The following TTC39A variants were observed in gnomAD, a reference collection of about 807,000 sequenced individuals.
The protein encoded by TTC39A is tetratricopeptide repeat domain 39A.
A neutral mutation model predicts 82.3 loss-of-function variants in TTC39A; 46 were observed. That is an observed-to-expected ratio of 0.56 (90% confidence interval 0.44 to 0.71). The LOEUF is 0.71. Ranked by LOEUF, TTC39A falls within the 30% of genes least tolerant of loss-of-function variation. TTC39A has a pLI of 0.00. For missense variants in TTC39A, 543 were observed against 712.9 expected, an observed-to-expected ratio of 0.76 and a Z score of 2.71; for synonymous variants, 254 against 275.2, an observed-to-expected ratio of 0.92 and a Z score of 0.76.
intron 1 of TTC39A, among the ~76,000 whole-genome samples, chr1:51,325,605 AG>A (rs942909251): frequency 2.8e-4 from 42 of 152,210 alleles, no homozygotes; most frequent in African/African-American, 9.9e-4. Context: ...TGAGGCACAG[AG>A]GACGGGTAAC....
chr1:51,304,688 G>A (rs1315425580), intron 8 of TTC39A, among the ~76,000 whole-genome samples: 5 of 152,236 alleles, frequency 3.3e-5, no homozygotes, highest in Non-Finnish European at 7.3e-5. Context: ...GGCATCTGCT[G>A]GATGAAGTGG....
At position 51,290,121 on chromosome 1, in the gene TTC39A, T is replaced by C; in HGVS notation, c.1379-2A>G. On this transcript the variant is annotated splice_acceptor_variant, in intron 15 of 17. Coordinates refer to ENST00000680483, the MANE Select transcript of TTC39A (RefSeq NM_001297663.2). LOFTEE classifies it high-confidence loss of function. ...CGTCATCCACTGAGTACTCGTTCTC[T>C]GAAAATAGGGATGTGAGGGAAAAAG... is the stretch of plus-strand genomic sequence containing the variant. 1 of 1,612,008 alleles carries C rather than the reference T, an allele frequency of 6.2e-7. No individual in the cohort carries two copies. Among genetic ancestry groups the C allele is most frequent in the Non-Finnish European group, 8.5e-7 (1 of 1,179,038 alleles).
At chr1:51,301,148 G>A (rs1190541198) in intron 12 of TTC39A, 1 of 161,622 alleles carries the variant, frequency 6.2e-6, no homozygotes, top group Non-Finnish European at 1.4e-5. Flanking sequence ...CAATATAGTG[G>A]CCACAAGCCC....
intron 2 of TTC39A, among the ~76,000 whole-genome samples, chr1:51,317,087 T>C (rs763661788): frequency 7.2e-5 from 11 of 152,110 alleles, no homozygotes; most frequent in Non-Finnish European, 1.6e-4. Flanking sequence ...AGGCATGACT[T>C]ATGGAAAGCA....
At chr1:51,329,796 G>A (rs868205351) in intron 1 of TTC39A, 4 of 152,436 alleles carry the variant, frequency 2.6e-5, no homozygotes, top group Admixed American at 1.3e-4. Flanking sequence ...TCACTGCTAC[G>A]GGGGGTGATC....
intron 6 of TTC39A, among the ~76,000 whole-genome samples, chr1:51,307,476 G>A (rs1644913104): frequency 6.6e-6 from 1 of 152,178 alleles, no homozygotes; most frequent in Non-Finnish European, 1.5e-5. Context: ...GCTCACGCCT[G>A]TAATCCCAGC....
intron 2 of TTC39A, 80 bp from the exon 3 acceptor site, chr1:51,313,023 C>T (rs1284657187): frequency 2.6e-6 from 4 of 1,549,876 alleles, no homozygotes; most frequent in African/African-American, 2.7e-5. Context: ...CATCTCCACC[C>T]TCCTCCATTC....
intron 1 of TTC39A, among the ~76,000 whole-genome samples, chr1:51,327,101 T>C (rs1053243290): frequency 6.6e-6 from 1 of 152,218 alleles, no homozygotes; most frequent in African/African-American, 2.4e-5. Context: ...TAGAGTTGGC[T>C]TGGACTGCTG....
upstream of TTC39A, among the ~76,000 whole-genome samples, chr1:51,332,658 C>T (rs946481287): frequency 1.1e-4 from 16 of 152,220 alleles, no homozygotes; most frequent in African/African-American, 1.9e-4. Flanking sequence ...CTGATGCTCA[C>T]GTGCTGCTGA....
chr1:51,288,996 C>T lies in TTC39A; in HGVS notation c.1494-41G>A. ...CATGGCTCAGGTTCCTCCTCCTGAG[C>T]CTCTCCCAAACTGCATGTGAGGATT... On this transcript the variant is annotated intron_variant, in intron 16 of 17. Transcript: ENST00000680483. This position sits in a 1 kb window ranked among gnomAD's most constrained non-coding sequence, Gnocchi z 4.8. 2 of 1,538,746 alleles carry T rather than the reference C, an allele frequency of 1.3e-6. No individual in the cohort carries two copies. The highest frequency in any genetic ancestry group is 1.2e-5 in the South Asian group (1 of 84,036).
intron 6 of TTC39A, among the ~76,000 whole-genome samples, chr1:51,307,767 T>A (rs1206130228): frequency 1.3e-5 from 2 of 152,000 alleles, no homozygotes; most frequent in Non-Finnish European, 2.9e-5. Flanking sequence ...CTTTTTTACT[T>A]TTCCTCTTTT....
At chr1:51,340,252 C>G (rs1288606370) in intron 1 of TTC39A, among the ~76,000 whole-genome samples, 1 of 152,168 alleles carries the variant, frequency 6.6e-6, no homozygotes, top group Admixed American at 6.5e-5. Flanking sequence ...ACCATTCCCC[C>G]ACCAGGCCAG....
chr1:51,316,096 T>G (rs1645272376), intron 2 of TTC39A, among the ~76,000 whole-genome samples: 1 of 151,994 alleles, frequency 6.6e-6, no homozygotes, highest in South Asian at 2.1e-4. Flanking sequence ...CGGCACCCCT[T>G]ATTGCTTGTT....
At chr1:51,314,918 C>T (rs1569919980) in intron 2 of TTC39A, among the ~76,000 whole-genome samples, 3 of 152,222 alleles carry the variant, frequency 2.0e-5, no homozygotes, top group Admixed American at 1.3e-4. Context: ...CACCAAAGCT[C>T]GGTAAATATG....
In TTC39A at chr1:51,302,588, G is replaced by C. The variant is rs1331569977; in HGVS notation, c.764-15C>G. Reference sequence around the variant, plus strand: ...GTTCCCAGTACCTGGAGGAGATGGTGGGGGAGACACAGAACATGTCACCAC... The same window carrying C: ...GTTCCCAGTACCTGGAGGAGATGGTCGGGGAGACACAGAACATGTCACCAC... On this transcript the variant is annotated splice_polypyrimidine_tract_variant and intron_variant, in intron 9 of 17. Transcript: ENST00000680483. 6.3e-7 allele frequency: 1 copy of C among 1,591,474 alleles called. No homozygotes were observed. Among genetic ancestry groups the C allele is most frequent in the Non-Finnish European group, 8.6e-7 (1 of 1,169,038 alleles).
At chr1:51,295,915 G>T in intron 13 of TTC39A, 164 bp downstream of exon 13, 2 of 677,630 alleles carry the variant, frequency 3.0e-6, no homozygotes, top group South Asian at 1.7e-5. Flanking sequence ...GGGTGGTGAT[G>T]GGAGGGGAGG....
At position 51,306,019 on chromosome 1, in the gene TTC39A, G is replaced by A; in HGVS notation, c.546C>T (p.His182=). Residue 182 remains histidine, a synonymous_variant, in exon 7 of 18, where the codon CAC becomes CAT. Coordinates refer to ENST00000680483, the MANE Select transcript of TTC39A (RefSeq NM_001297663.2). ...CACCAAGCTTCACTCCTCCTTCAAAGTGCGGGTGGTTCTCACCCTTGCAGT... is the reference window on the plus strand; with the variant it reads ...CACCAAGCTTCACTCCTCCTTCAAAATGCGGGTGGTTCTCACCCTTGCAGT... ...SQYCKGENHP[H]FEGGVKLGVG... The A allele has an allele frequency of 6.2e-7, 1 of 1,614,032 alleles. No homozygotes were observed. Among genetic ancestry groups the A allele is most frequent in the Non-Finnish European group, 8.5e-7 (1 of 1,179,886 alleles).
chr1:51,301,802 T>C (rs1368996590), intron 11 of TTC39A, 69 bp from the exon 12 acceptor site: 23 of 1,447,096 alleles, frequency 1.6e-5, no homozygotes, highest in Non-Finnish European at 1.9e-5. Flanking sequence ...CCTCCGAACC[T>C]CCCAACACCA....
At chr1:51,302,029 C>T in intron 11 of TTC39A, 2 of 693,576 alleles carry the variant, frequency 2.9e-6, no homozygotes, top group South Asian at 3.1e-5. Context: ...TACCAGACTC[C>T]AGCCTAATCG....
Sources: gnomAD v4.1 joint callset for allele counts (sites outside exome capture counted in the v4.1 genomes callset) on GRCh38, gnomAD v4.1.1 for gene constraint, Gnocchi (gnomAD v3.1) non-coding constraint, MANE v1.5 for transcripts, NCBI Gene and HGNC (gene_info 2026-07-23, HGNC 2026-07-21) for gene names.